LRRC4C: variants seen among roughly 807,000 people sequenced by gnomAD.
LRRC4C encodes the protein leucine-rich repeat-containing protein 4C.
Under a neutral mutation model 33.6 loss-of-function variants are expected in LRRC4C, and 5 were observed. The observed-to-expected ratio is 0.15, with a 90% CI of 0.08 to 0.31. LRRC4C has a LOEUF of 0.31. Among genes scored for constraint, LRRC4C ranks in the 10% least tolerant of loss-of-function variants. The pLI, the probability that LRRC4C is intolerant of heterozygous loss-of-function variation, is 1.00. For missense variants in LRRC4C, 560 were observed against 796.7 expected (o/e 0.70, Z 3.58); for synonymous variants, 329 against 302.0 (o/e 1.09, Z -0.93).
At chr11:40,845,065 A>G (rs570225721) in intron 2 of LRRC4C, among the ~76,000 whole-genome samples, 8 of 152,170 alleles carry the variant, frequency 5.3e-5, no homozygotes, top group Admixed American at 2.0e-4. Context: ...TACATATTTT[A>G]AAACGTCATG....
At chr11:40,137,476 CAAG>C (rs774563845) in intron 6 of LRRC4C, among the ~76,000 whole-genome samples, 20 of 152,130 alleles carry the variant, frequency 1.3e-4, no homozygotes, top group Non-Finnish European at 2.6e-4. Context: ...CCTTCAGATC[CAAG>C]AAGAATGACC....
At chr11:40,579,468 T>TTCGTTC (rs139139302) in intron 3 of LRRC4C, among the ~76,000 whole-genome samples, 14,093 of 152,224 alleles carry the variant, frequency 0.093, 783 homozygotes, top group Middle Eastern at 0.15. Flanking sequence ...TGTTTTTGTT[T>TTCGTTC]GTATTTTATA....
intron 3 of LRRC4C, among the ~76,000 whole-genome samples, chr11:40,337,795 T>A (rs1301021424): frequency 6.6e-6 from 1 of 152,088 alleles, no homozygotes; most frequent in Non-Finnish European, 1.5e-5. Context: ...AATAGCCTAG[T>A]GCCCATTGAT....
intron 3 of LRRC4C, among the ~76,000 whole-genome samples, chr11:40,631,687 AT>A (rs1398869602): frequency 1.3e-5 from 2 of 152,158 alleles, no homozygotes; most frequent in African/African-American, 4.8e-5. Flanking sequence ...GCAAAGTAGA[AT>A]TAAAAAAAAA....
At chr11:40,822,377 T>C (rs1171810812) in intron 2 of LRRC4C, among the ~76,000 whole-genome samples, 1 of 151,622 alleles carries the variant, frequency 6.6e-6, no homozygotes, top group East Asian at 1.9e-4. Context: ...TTCCATTATA[T>C]GTATAAACAA....
chr11:40,843,218 TCTA>T (rs760054925), intron 2 of LRRC4C, among the ~76,000 whole-genome samples: 12 of 152,118 alleles, frequency 7.9e-5, no homozygotes, highest in Non-Finnish European at 1.6e-4. Context: ...GCCATTCTAG[TCTA>T]CTATTATTAT....
chr11:40,855,430 A>T (rs549682334), intron 2 of LRRC4C, among the ~76,000 whole-genome samples: 1 of 152,302 alleles, frequency 6.6e-6, no homozygotes, highest in South Asian at 2.1e-4. Flanking sequence ...TTATAACGCC[A>T]TATTAATCAA....
intron 6 of LRRC4C, among the ~76,000 whole-genome samples, chr11:40,120,720 A>C (rs369669401): frequency 6.6e-6 from 1 of 152,146 alleles, no homozygotes; most frequent in African/African-American, 2.4e-5. Flanking sequence ...TTGACTGGAA[A>C]TAGCACAAGA....
rs1442403946 is a variant in LRRC4C at position 41,302,840 on chromosome 11, C to T, written c.-496+156591G>A. Among the ~76,000 whole-genome samples, 14 of 152,116 alleles carry T rather than the reference C, an allele frequency of 9.2e-5. No homozygotes were observed. In the East Asian group the frequency reaches 2.5e-3, roughly 27 times the overall value. On this transcript the variant is annotated intron_variant, in intron 1 of 6. Transcript: ENST00000528697. ...TTGTGACCTAGAATATCACAATTGC[C>T]CACTATACTCCCAAAGCATCGTTTC... is the stretch of plus-strand genomic sequence containing the variant.
intron 2 of LRRC4C, among the ~76,000 whole-genome samples, chr11:40,817,295 GAGAC>G (rs1449387413): frequency 3.9e-5 from 6 of 152,108 alleles, no homozygotes; most frequent in African/African-American, 9.7e-5. Context: ...AGAGAGAGAA[GAGAC>G]AGACAGACAG....
chr11:40,445,016 T>C (rs1590757714), intron 3 of LRRC4C, among the ~76,000 whole-genome samples: 1 of 152,178 alleles, frequency 6.6e-6, no homozygotes, highest in Non-Finnish European at 1.5e-5. Flanking sequence ...GCTCCCAAGG[T>C]CAACTTTGGG....
chr11:41,074,171 A>G (rs2135440741), intron 1 of LRRC4C, among the ~76,000 whole-genome samples: 1 of 152,326 alleles, frequency 6.6e-6, no homozygotes, highest in South Asian at 2.1e-4. Flanking sequence ...AATTTTAAAG[A>G]GAAACTCCAC....
Position 41,413,509 on chromosome 11 carries a change from T to A in LRRC4C, c.-496+45922A>T, listed in dbSNP as rs542736621. 1.5e-4 allele frequency among the ~76,000 whole-genome samples: 23 copies of A among 152,340 alleles called. No individual in the cohort carries two copies. The South Asian group carries it at 4.8e-3, about 32-fold the overall frequency. ...CAATACCAAGAAAACAATATGACCA[T>A]ACATAACTCTCTGACATTAACCTCA... On this transcript the variant is annotated intron_variant, in intron 1 of 6. Coordinates refer to ENST00000528697, the MANE Select transcript of LRRC4C (RefSeq NM_001258419.2).
At chr11:41,459,058 T>C (rs1956257137) in intron 1 of LRRC4C, among the ~76,000 whole-genome samples, 1 of 152,156 alleles carries the variant, frequency 6.6e-6, no homozygotes, top group Non-Finnish European at 1.5e-5. Context: ...AGATACACTT[T>C]GCCTCTAACT....
chr11:40,534,761 C>A (rs764673812), intron 3 of LRRC4C, among the ~76,000 whole-genome samples: 6 of 152,164 alleles, frequency 3.9e-5, no homozygotes, highest in Non-Finnish European at 8.8e-5. Flanking sequence ...CTGAATCAAA[C>A]CCTTTTGGTT....
At chr11:40,521,515 C>G (rs769409046) in intron 3 of LRRC4C, among the ~76,000 whole-genome samples, 2 of 152,022 alleles carry the variant, frequency 1.3e-5, no homozygotes, top group Non-Finnish European at 2.9e-5. Flanking sequence ...TATTACGTGA[C>G]AAACAATGAG....
chr11:41,133,481 C>T (rs1038591042), intron 1 of LRRC4C, among the ~76,000 whole-genome samples: 1 of 144,290 alleles, frequency 6.9e-6, no homozygotes, highest in African/African-American at 2.7e-5. Flanking sequence ...CCTAATCCCC[C>T]CCCCGCCCCC....
At chr11:40,366,184 C>T (rs535204745) in intron 3 of LRRC4C, among the ~76,000 whole-genome samples, 1 of 152,128 alleles carries the variant, frequency 6.6e-6, no homozygotes, top group Admixed American at 6.5e-5. Context: ...CACGGCTGTA[C>T]CAGAAACAGT....
At chr11:41,253,587 C>T (rs999754299) in intron 1 of LRRC4C, among the ~76,000 whole-genome samples, 10 of 152,098 alleles carry the variant, frequency 6.6e-5, no homozygotes, top group Non-Finnish European at 1.3e-4. Context: ...CTTGTCCCAG[C>T]TCCATGATGA....
Sources: gnomAD v4.1 joint callset for allele counts (sites outside exome capture counted in the v4.1 genomes callset) on GRCh38, gnomAD v4.1.1 for gene constraint, MANE v1.5 for transcripts, NCBI Gene and HGNC (gene_info 2026-07-23, HGNC 2026-07-21) for gene names.